The following EFCAB7 variants were observed in gnomAD, a reference collection of about 807,000 sequenced individuals.
The protein encoded by EFCAB7 is EF-hand calcium-binding domain-containing protein 7.
Under a neutral mutation model 77.1 loss-of-function variants are expected in EFCAB7, and 66 were observed. That is an observed-to-expected ratio of 0.86 (90% confidence interval 0.70 to 1.05). EFCAB7 has a LOEUF of 1.05. Ranked by LOEUF, EFCAB7 falls within the 50% of genes least tolerant of loss-of-function variation. The pLI is 0.00. For synonymous variants in EFCAB7, 225 were observed against 243.3 expected, an observed-to-expected ratio of 0.92 and a Z score of 0.70; for missense variants, 638 against 730.5, an observed-to-expected ratio of 0.87 and a Z score of 1.46.
intron 11 of EFCAB7, among the ~76,000 whole-genome samples, chr1:63,567,899 C>G (rs1388385478): frequency 6.6e-6 from 1 of 152,172 alleles, no homozygotes; most frequent in African/African-American, 2.4e-5. Flanking sequence ...AGTCAGTGCT[C>G]TGTATCCATG....
At chr1:63,572,795 G>C (rs1647304798), downstream of EFCAB7, 1 of 515,328 alleles carries the variant, frequency 1.9e-6, no homozygotes, top group South Asian at 7.2e-5. Flanking sequence ...AGTCCGAAAA[G>C]AGAGTCAGCA....
At chr1:63,529,528 A>T (rs1255537211) in intron 2 of EFCAB7, 1 of 152,058 alleles carries the variant, frequency 6.6e-6, no homozygotes, top group African/African-American at 2.4e-5. Flanking sequence ...AGCCTGACCA[A>T]CGTGGAGAAA....
chr1:63,543,971 C>CTTTTTTTTTTTTTTTT (rs35018430), intron 6 of EFCAB7, among the ~76,000 whole-genome samples: 5 of 131,110 alleles, frequency 3.8e-5, no homozygotes, highest in African/African-American at 5.6e-5. Flanking sequence ...TTTCTTTTTT[C>CTTTTTTTTTTTTTTTT]TTTTTTTTTT....
In EFCAB7 at chr1:63,525,577, C is replaced by T. The variant is rs767896192; in HGVS notation, c.5C>T (p.Ala2Val). M[A>V]ISPRSDATFS... Reference sequence around the variant, plus strand: ...TTTAAATTATTTTCCAATAGAATGGCGATCAGTCCACGAAGCGATGCAACT... The same window carrying T: ...TTTAAATTATTTTCCAATAGAATGGTGATCAGTCCACGAAGCGATGCAACT... The change falls in exon 2 of 14, where the codon GCG becomes GTG. Residue 2 changes from alanine to valine, a missense_variant. Physicochemically the swap from Ala to Val is moderately conservative, Grantham distance 64 (BLOSUM62 0). Transcript: ENST00000371088. 5.4e-6 allele frequency: 8 copies of T among 1,491,650 alleles called. No homozygotes were observed. Among genetic ancestry groups the T allele is most frequent in the Admixed American group, 5.3e-5 (2 of 37,664 alleles). 92.4% of individuals were successfully genotyped at this position (1,491,650 alleles called of 1,614,324 possible). A position where few individuals can be genotyped will look rare whatever the true frequency, so the allele number is the denominator to read the frequency against.
At chr1:63,551,328 CA>C (rs1452741192) in intron 7 of EFCAB7, among the ~76,000 whole-genome samples, 1 of 152,198 alleles carries the variant, frequency 6.6e-6, no homozygotes, top group African/African-American at 2.4e-5. Context: ...TGTGGTGGCT[CA>C]CGCCTGTAAT....
chr1:63,552,244 A>G (rs1236171068), intron 8 of EFCAB7, among the ~76,000 whole-genome samples: 1 of 152,158 alleles, frequency 6.6e-6, no homozygotes, highest in East Asian at 1.9e-4. Context: ...AAAAAAATTT[A>G]AATAAAGAAT....
chr1:63,529,232 C>T (rs1646651058), intron 2 of EFCAB7: 2 of 152,146 alleles, frequency 1.3e-5, no homozygotes, highest in Non-Finnish European at 2.9e-5. Flanking sequence ...CAATGAATTT[C>T]CACAAAGCCT....
intron 11 of EFCAB7, among the ~76,000 whole-genome samples, chr1:63,566,943 T>C (rs970001829): frequency 4.0e-5 from 6 of 151,268 alleles, no homozygotes; most frequent in Admixed American, 1.3e-4. Context: ...GTTTATAGTC[T>C]ACTAAAATTA....
At position 63,529,707 on chromosome 1, in the gene EFCAB7, C is replaced by G. The variant is rs939129032; in HGVS notation, c.188-2113C>G. 4.6e-5 allele frequency: 7 copies of G among 151,704 alleles called. No homozygotes were observed. In the East Asian group the frequency reaches 1.4e-3, roughly 30 times the overall value. The allele number at this position is 151,704 out of a possible 1,614,324, so 9.4% of individuals were successfully genotyped here. A position where few individuals can be genotyped will look rare whatever the true frequency, so the allele number is the denominator to read the frequency against. ...CAGCCTGGGCAACAAGAGCCAAACT[C>G]CATCTCAAAAAATAATAATAATAAT... is the stretch of plus-strand genomic sequence containing the variant. On this transcript the variant is annotated intron_variant, in intron 2 of 13. Coordinates refer to ENST00000371088, the MANE Select transcript of EFCAB7 (RefSeq NM_032437.4).
chr1:63,560,170 T>C (rs1192176432), intron 10 of EFCAB7, among the ~76,000 whole-genome samples: 1 of 152,096 alleles, frequency 6.6e-6, no homozygotes, highest in Non-Finnish European at 1.5e-5. Flanking sequence ...ACCAGGATGG[T>C]CTCGATCTCC....
At chr1:63,547,630 C>T (rs1026869161) in intron 7 of EFCAB7, 1 of 152,202 alleles carries the variant, frequency 6.6e-6, no homozygotes, top group African/African-American at 2.4e-5. Flanking sequence ...AACATTTGTT[C>T]ACTCATGAAT....
At chr1:63,529,360 C>A (rs1488732865) in intron 2 of EFCAB7, among the ~76,000 whole-genome samples, 1 of 152,068 alleles carries the variant, frequency 6.6e-6, no homozygotes, top group African/African-American at 2.4e-5. Context: ...TATGTTATAA[C>A]CCATGAGTTA....
At position 63,525,625 on chromosome 1, in the gene EFCAB7, C is replaced by G. The variant is rs746216862; in HGVS notation, c.53C>G (p.Pro18Arg). 1.3e-6 allele frequency: 2 copies of G among 1,596,504 alleles called. No homozygotes were observed. The highest frequency in any genetic ancestry group is 4.5e-5 in the East Asian group (2 of 44,204). Residue 18 changes from proline to arginine, a missense_variant, in exon 2 of 14, where the codon CCT (proline) becomes CGT (arginine). Transcript: ENST00000371088. ...DATFSSQKST[P>R]SESPRTKKFP... is the part of the protein sequence containing the mutation. ...ACTTTCTCCAGTCAGAAATCAACAC[C>G]TTCAGAGAGTCCTCGAACAAAGAAA... is the stretch of plus-strand genomic sequence containing the variant.
intron 6 of EFCAB7, among the ~76,000 whole-genome samples, chr1:63,534,739 C>T (rs3861944): frequency 0.021 from 3,250 of 152,000 alleles, 123 homozygotes; most frequent in African/African-American, 0.074. Flanking sequence ...AAAATGTGCA[C>T]CTAGAGACCT....
intron 7 of EFCAB7, chr1:63,549,671 T>C (rs6675580): frequency 0.011 from 3,206 of 296,488 alleles, 98 homozygotes; most frequent in African/African-American, 0.069. Context: ...ATCAATACAT[T>C]CCCATCTACT....
At chr1:63,540,829 A>C (rs188339574) in intron 6 of EFCAB7, among the ~76,000 whole-genome samples, 2 of 151,342 alleles carry the variant, frequency 1.3e-5, no homozygotes, top group Non-Finnish European at 2.9e-5. Flanking sequence ...AGTATAGTTC[A>C]GTTTATAATG....
At chr1:63,573,386 C>T (rs369867910), downstream of EFCAB7, among the ~76,000 whole-genome samples, 6 of 152,032 alleles carry the variant, frequency 3.9e-5, no homozygotes, top group East Asian at 5.8e-4. Flanking sequence ...AAAAACTAAA[C>T]GGAATAAGAG....
At chr1:63,571,194 C>A in intron 13 of EFCAB7, 66 bp downstream of exon 13, 2 of 1,028,676 alleles carry the variant, frequency 1.9e-6, no homozygotes, top group Non-Finnish European at 2.9e-6. Flanking sequence ...GCTATTAATG[C>A]TATGAGTAAA....
chr1:63,578,080 G>A, the EFCAB7 span, among the ~76,000 whole-genome samples: 1 of 152,198 alleles, frequency 6.6e-6, no homozygotes, highest in Non-Finnish European at 1.5e-5. Context: ...CAGTGTTAGA[G>A]CAAGTTTGGA....
Sources: allele counts gnomAD v4.1 joint callset (sites outside exome capture counted in the v4.1 genomes callset), GRCh38; gene constraint gnomAD v4.1.1; transcripts MANE v1.5; gene names NCBI Gene and HGNC (gene_info 2026-07-23, HGNC 2026-07-21).